Variants in ITPR2 observed in about 807,000 individuals in gnomAD.
The protein encoded by ITPR2 is inositol 1,4,5-trisphosphate-gated calcium channel ITPR2.
ITPR2 carries 207 observed loss-of-function variants against 317.1 expected under a neutral mutation model. The ratio of observed to expected loss-of-function variants is 0.65; its 90% CI spans 0.58 to 0.73. ITPR2 has a LOEUF of 0.73. Among genes scored for constraint, ITPR2 ranks in the 30% least tolerant of loss-of-function variants. The probability of loss-of-function intolerance (pLI) is 0.00; values close to 1 mark genes in which losing one functional copy is unlikely to be tolerated. For missense variants in ITPR2, 2,613 were observed against 3,284.0 expected (o/e 0.80, Z 4.99); for synonymous variants, 1,156 against 1,149.1 (o/e 1.01, Z -0.12).
intron 21 of ITPR2, chr12:26,649,478 C>A (rs1318662010): frequency 1.3e-5 from 2 of 152,132 alleles, no homozygotes; most frequent in Non-Finnish European, 1.5e-5. Flanking sequence ...TAATATTTCT[C>A]CTAATCCAGG....
chr12:26,524,411 C>T (rs888215044), intron 37 of ITPR2, among the ~76,000 whole-genome samples: 1 of 152,090 alleles, frequency 6.6e-6, no homozygotes, highest in Admixed American at 6.6e-5. Context: ...ATATTATGTA[C>T]ATCTGGTTTT....
rs191611868 is a variant in ITPR2 at position 26,772,795 on chromosome 12, G to A, written c.163+17362C>T. On this transcript the variant is annotated intron_variant, in intron 2 of 56. Coordinates refer to ENST00000381340, the MANE Select transcript of ITPR2 (RefSeq NM_002223.4). ...ATACACGAGCAGAACATGCAGGTTT[G>A]TTATATAGGTGTACATGTGTCATGG... Among the ~76,000 whole-genome samples, 94 of 150,792 alleles carry A rather than the reference G, an allele frequency of 6.2e-4. 1 individual carries two copies. The highest frequency in any genetic ancestry group is 3.4e-3 in the Middle Eastern group (1 of 294).
chr12:26,733,099 G>A (rs893518830), intron 2 of ITPR2, among the ~76,000 whole-genome samples: 2 of 150,942 alleles, frequency 1.3e-5, no homozygotes, highest in Admixed American at 6.6e-5. Flanking sequence ...TGGGAGGCTG[G>A]GGTCAGGAGT....
chr12:26,425,054 C>A (rs1051359959), intron 49 of ITPR2, among the ~76,000 whole-genome samples: 3 of 151,944 alleles, frequency 2.0e-5, no homozygotes, highest in African/African-American at 7.3e-5. Flanking sequence ...AGTCACTGCA[C>A]CCAGCAGTGA....
In ITPR2 at chr12:26,336,838, T is replaced by C. The variant is rs1384912403; in HGVS notation, c.*2559A>G. The stretch of plus-strand genomic sequence containing the variant: ...ACTGATACTCACCTAAGTCAAATAT[T>C]CCAGTTGCATTAACAAACATACACA... On this transcript the variant is annotated 3_prime_UTR_variant, in exon 57 of 57. Transcript: ENST00000381340. 6.6e-6 allele frequency: 1 copy of C among 152,138 alleles called. No homozygotes were observed. Among genetic ancestry groups the C allele is most frequent in the Non-Finnish European group, 1.5e-5 (1 of 68,020 alleles). 9.4% of individuals were successfully genotyped at this position (152,138 alleles called of 1,614,324 possible).
At chr12:26,681,498 T>G (rs1177774497) in intron 13 of ITPR2, among the ~76,000 whole-genome samples, 1 of 152,130 alleles carries the variant, frequency 6.6e-6, no homozygotes, top group East Asian at 1.9e-4. Flanking sequence ...AAATGCATCT[T>G]GAATAAATAA....
intron 10 of ITPR2, among the ~76,000 whole-genome samples, chr12:26,691,986 CT>C (rs1948249968): frequency 6.6e-6 from 1 of 152,084 alleles, no homozygotes; most frequent in South Asian, 2.1e-4. Flanking sequence ...CAATTAATTT[CT>C]GATAGAACCT....
chr12:26,531,358 A>G (rs1565584372), intron 37 of ITPR2, among the ~76,000 whole-genome samples: 2 of 152,224 alleles, frequency 1.3e-5, no homozygotes, highest in Non-Finnish European at 2.9e-5. Flanking sequence ...CTCATTTTTA[A>G]CCATTCATTT....
intron 48 of ITPR2, among the ~76,000 whole-genome samples, chr12:26,429,729 T>A (rs562803758): frequency 3.1e-4 from 47 of 152,376 alleles, no homozygotes; most frequent in African/African-American, 9.6e-4. Flanking sequence ...TCTGTGAGTT[T>A]GTTTTGAATA....
chr12:26,664,812 A>C (rs994030548), intron 14 of ITPR2, among the ~76,000 whole-genome samples: 2 of 152,134 alleles, frequency 1.3e-5, no homozygotes, highest in Non-Finnish European at 2.9e-5. Context: ...AATTACTCGA[A>C]AAAAGTCCTA....
intron 29 of ITPR2, 81 bp downstream of exon 29, chr12:26,599,897 GAAGTGTAAC>G: frequency 1.1e-5 from 10 of 908,378 alleles, no homozygotes; most frequent in African/African-American, 1.7e-5. Flanking sequence ...ATGAAGCAAG[GAAGTGTAAC>G]AAAATTCTCT....
chr12:26,420,049 C>A (rs1231342211), intron 49 of ITPR2, among the ~76,000 whole-genome samples: 1 of 152,102 alleles, frequency 6.6e-6, no homozygotes, highest in Non-Finnish European at 1.5e-5. Flanking sequence ...ACCCACATTT[C>A]ATACTGCCTT....
rs562174992 is a variant in ITPR2 at position 26,599,250 on chromosome 12, G to A, written c.3897C>T (p.Cys1299=). Residue 1299 remains cysteine, a synonymous_variant, in exon 30 of 57, where the codon TGC becomes TGT. Coordinates refer to ENST00000381340, the MANE Select transcript of ITPR2 (RefSeq NM_002223.4). ...SERVVQHFVH[C]IETHGRHVEY... ...CCACGTGGCGGCCATGTGTCTCAATGCAGTGCACAAAGTGTTGTACAACTC... is the reference window on the plus strand; with the variant it reads ...CCACGTGGCGGCCATGTGTCTCAATACAGTGCACAAAGTGTTGTACAACTC... The A allele has an allele frequency of 9.3e-6, 15 of 1,613,964 alleles. No individual in the cohort carries two copies. The South Asian group carries it at 1.5e-4, about 17-fold the overall frequency.
intron 2 of ITPR2, among the ~76,000 whole-genome samples, chr12:26,756,156 A>C (rs1201035853): frequency 1.3e-5 from 2 of 152,242 alleles, no homozygotes; most frequent in Non-Finnish European, 2.9e-5. Context: ...TCTTTAGTAA[A>C]AATGGGAAAC....
intron 13 of ITPR2, among the ~76,000 whole-genome samples, chr12:26,669,844 C>T (rs949834999): frequency 1.3e-5 from 2 of 152,228 alleles, no homozygotes; most frequent in Non-Finnish European, 2.9e-5. Context: ...CACTCCCACC[C>T]GAGTACTGCG....
At chr12:26,616,419 G>A (rs549960797) in intron 26 of ITPR2, among the ~76,000 whole-genome samples, 104 of 152,134 alleles carry the variant, frequency 6.8e-4, no homozygotes, top group Non-Finnish European at 1.3e-3. Flanking sequence ...TTACAGGCAT[G>A]AGCCACCGTG....
At chr12:26,548,779 C>G (rs1944450922) in intron 37 of ITPR2, among the ~76,000 whole-genome samples, 1 of 152,068 alleles carries the variant, frequency 6.6e-6, no homozygotes, top group Non-Finnish European at 1.5e-5. Flanking sequence ...GGAATTTTCT[C>G]AACAGGAGGT....
intron 21 of ITPR2, among the ~76,000 whole-genome samples, chr12:26,643,415 G>C (rs568839490): frequency 1.3e-5 from 2 of 152,320 alleles, no homozygotes; most frequent in South Asian, 4.1e-4. Flanking sequence ...GTGCATCCAA[G>C]AAAAAGCCAA....
chr12:26,413,901 C>T (rs1267149007), intron 51 of ITPR2, among the ~76,000 whole-genome samples: 4 of 152,084 alleles, frequency 2.6e-5, no homozygotes. Context: ...ATTTGTAAGA[C>T]AATAACTACT....
Sources: gnomAD v4.1 joint callset for allele counts (sites outside exome capture counted in the v4.1 genomes callset) on GRCh38, gnomAD v4.1.1 for gene constraint, MANE v1.5 for transcripts, NCBI Gene and HGNC (gene_info 2026-07-23, HGNC 2026-07-21) for gene names.